TGFB2: variants seen among roughly 807,000 people sequenced by gnomAD.
The protein encoded by TGFB2 is transforming growth factor beta 2, also known as transforming growth factor beta-2 proprotein.
Under a neutral mutation model 42.7 loss-of-function variants are expected in TGFB2, and 13 were observed. The ratio of observed to expected loss-of-function variants is 0.30; its 90% CI spans 0.20 to 0.48. The LOEUF (loss-of-function observed/expected upper bound fraction) is 0.48, where lower values mean the gene tolerates loss of function less well. Among genes scored for constraint, TGFB2 ranks in the 20% least tolerant of loss-of-function variants. The pLI is 0.99. For missense variants in TGFB2, 390 were observed against 517.5 expected, an observed-to-expected ratio of 0.75 and a Z score of 2.39; for synonymous variants, 193 against 193.6, an observed-to-expected ratio of 1.00 and a Z score of 0.03.
chr1:218,415,556 G>A (rs908708305), intron 2 of TGFB2, among the ~76,000 whole-genome samples: 1 of 151,882 alleles, frequency 6.6e-6, no homozygotes, highest in Admixed American at 6.6e-5. Flanking sequence ...TTAGCCAGGC[G>A]TGGTGGCGGG....
At chr1:218,396,157 C>T (rs929973870) in intron 1 of TGFB2, among the ~76,000 whole-genome samples, 1 of 152,126 alleles carries the variant, frequency 6.6e-6, no homozygotes, top group Non-Finnish European at 1.5e-5. Context: ...CCATCATAGT[C>T]TAGGGCAGAA....
At chr1:218,389,199 C>A (rs6680004) in intron 1 of TGFB2, among the ~76,000 whole-genome samples, 7,887 of 152,186 alleles carry the variant, frequency 0.052, 667 homozygotes, top group African/African-American at 0.18. Flanking sequence ...CTATGAAGAC[C>A]TAAAGGATTG....
intron 1 of TGFB2, among the ~76,000 whole-genome samples, chr1:218,351,681 G>T (rs1037581696): frequency 1.3e-5 from 2 of 152,174 alleles, no homozygotes; most frequent in Non-Finnish European, 2.9e-5. Flanking sequence ...TGAGGGGCAG[G>T]TGGGGACCTC....
chr1:218,364,771 C>T (rs964766282), intron 1 of TGFB2, among the ~76,000 whole-genome samples: 6 of 152,112 alleles, frequency 3.9e-5, no homozygotes, highest in Admixed American at 1.3e-4. Flanking sequence ...TGAGAATATA[C>T]GTTGATTTTA....
chr1:218,427,131 A>G (rs781700766), intron 2 of TGFB2, among the ~76,000 whole-genome samples: 26 of 152,202 alleles, frequency 1.7e-4, no homozygotes, highest in Non-Finnish European at 3.2e-4. Flanking sequence ...TATAAACATT[A>G]CAGTTTAACC....
At chr1:218,398,584 A>C (rs891763667) in intron 1 of TGFB2, among the ~76,000 whole-genome samples, 1 of 151,084 alleles carries the variant, frequency 6.6e-6, no homozygotes, top group Non-Finnish European at 1.5e-5. Context: ...TATTTTATTT[A>C]TTTATTTTTT....
chr1:218,392,690 G>A lies in TGFB2; in HGVS notation c.347-12479G>A, dbSNP rs142553443. On this transcript the variant is annotated intron_variant, in intron 1 of 6. Coordinates refer to ENST00000366930, the MANE Select transcript of TGFB2 (RefSeq NM_003238.6). The stretch of plus-strand genomic sequence containing the variant: ...TAGGTGCCAGGCAACCCCTTTGTGT[G>A]CTATCATTTCTAATTTCAATAAAGA... Among the ~76,000 whole-genome samples the A allele has an allele frequency of 3.3e-3, 502 of 152,344 alleles. 8 individuals are homozygous for A. Among genetic ancestry groups the A allele is most frequent in the Non-Finnish European group, 2.5e-3 (169 of 68,038 alleles).
At chr1:218,410,476 C>A (rs1659058499) in intron 2 of TGFB2, among the ~76,000 whole-genome samples, 1 of 152,186 alleles carries the variant, frequency 6.6e-6, no homozygotes, top group African/African-American at 2.4e-5. Flanking sequence ...AAAATAAAAT[C>A]TTTCTTTCCT....
At chr1:218,405,399 C>G (rs771714779) in intron 2 of TGFB2, 67 bp downstream of exon 2, 50 of 1,600,052 alleles carry the variant, frequency 3.1e-5, no homozygotes, top group Admixed American at 1.5e-4. Context: ...CTCTCTCTCT[C>G]TCTGTCACAG....
Position 218,346,502 on chromosome 1 carries a change from T to C in TGFB2, c.-200T>C. 1 of 528,424 alleles carries C rather than the reference T, an allele frequency of 1.9e-6. No individual in the cohort carries two copies. The highest frequency in any genetic ancestry group is 3.3e-6 in the Non-Finnish European group (1 of 307,418). The allele number at this position is 528,424 out of a possible 1,614,324, so 32.7% of individuals were successfully genotyped here. ...TTAATATTTCCACTTTTGGAACTAC[T>C]GGCCTTTTCTTTTTAAAGGAATTCA... On this transcript the variant is annotated 5_prime_UTR_variant, in exon 1 of 7. Coordinates refer to ENST00000366930, the MANE Select transcript of TGFB2 (RefSeq NM_003238.6). This position sits in a 1 kb window ranked among gnomAD's most constrained non-coding sequence, Gnocchi z 4.9.
At chr1:218,363,205 G>T in intron 1 of TGFB2, 2 of 761,386 alleles carry the variant, frequency 2.6e-6, no homozygotes, top group South Asian at 3.6e-5. Flanking sequence ...CAGGTAGCAG[G>T]GACCTTATTT....
Position 218,389,216 on chromosome 1 carries a change from A to G in TGFB2, c.347-15953A>G, listed in dbSNP as rs79731206. 9.8e-3 allele frequency among the ~76,000 whole-genome samples: 1,499 copies of G among 152,344 alleles called. 6 individuals carry two copies. Among genetic ancestry groups the G allele is most frequent in the Middle Eastern group, 0.027 (8 of 294 alleles). ...ATGAAGACCTAAAGGATTGGGATTA[A>G]CATTCATCATTGTTATGTGACTTAG... On this transcript the variant is annotated intron_variant, in intron 1 of 6. Coordinates refer to ENST00000366930, the MANE Select transcript of TGFB2 (RefSeq NM_003238.6).
At chr1:218,348,755 A>G (rs1284824153) in intron 1 of TGFB2, among the ~76,000 whole-genome samples, 2 of 152,226 alleles carry the variant, frequency 1.3e-5, no homozygotes, top group Admixed American at 6.5e-5. Flanking sequence ...TTTCTCTAGC[A>G]TGTGCATCGG....
At position 218,363,540 on chromosome 1, in the gene TGFB2, C is replaced by T; in HGVS notation, c.346+16493C>T. ...GAGATTCTGAAATGCAGCCTTGTACCTGAGCGATCACAAAGGTGCCTAGAA... is the reference window on the plus strand; with the variant it reads ...GAGATTCTGAAATGCAGCCTTGTACTTGAGCGATCACAAAGGTGCCTAGAA... On this transcript the variant is annotated intron_variant, in intron 1 of 6. Coordinates refer to ENST00000366930, the MANE Select transcript of TGFB2 (RefSeq NM_003238.6). The T allele has an allele frequency of 4.2e-6, 4 of 950,322 alleles. No individual in the cohort carries two copies. In the South Asian group the frequency reaches 6.3e-5, roughly 15 times the overall value. The allele number at this position is 950,322 out of a possible 1,614,324, so 58.9% of individuals were successfully genotyped here.
chr1:218,391,415 GA>G (rs1289074215), intron 1 of TGFB2, among the ~76,000 whole-genome samples: 1 of 152,182 alleles, frequency 6.6e-6, no homozygotes. Flanking sequence ...AAGCACCTCA[GA>G]AGGAATAAGT....
intron 1 of TGFB2, among the ~76,000 whole-genome samples, chr1:218,384,438 G>A (rs1030722840): frequency 6.6e-6 from 1 of 152,170 alleles, no homozygotes; most frequent in South Asian, 2.1e-4. Context: ...TTAAAATAAA[G>A]TACTAAAAGT....
At chr1:218,401,835 G>A (rs970753253) in intron 1 of TGFB2, among the ~76,000 whole-genome samples, 5 of 152,206 alleles carry the variant, frequency 3.3e-5, no homozygotes, top group Admixed American at 1.3e-4. Context: ...GCCGCGTCCC[G>A]ACTGGGCATC....
intron 1 of TGFB2, among the ~76,000 whole-genome samples, chr1:218,402,505 AG>A (rs1658757904): frequency 6.6e-6 from 1 of 152,230 alleles, no homozygotes; most frequent in Non-Finnish European, 1.5e-5. Context: ...AGCCATAAAA[AG>A]AAAAGAGTGT....
chr1:218,351,535 A>T (rs113830073), intron 1 of TGFB2, among the ~76,000 whole-genome samples: 105 of 152,248 alleles, frequency 6.9e-4, no homozygotes, highest in African/African-American at 2.4e-3. Flanking sequence ...CTTTTCAAAG[A>T]CTAGAAAAAC....
Sources: gnomAD v4.1 joint callset for allele counts (sites outside exome capture counted in the v4.1 genomes callset) on GRCh38, gnomAD v4.1.1 for gene constraint, Gnocchi (gnomAD v3.1) non-coding constraint, MANE v1.5 for transcripts, NCBI Gene and HGNC (gene_info 2026-07-23, HGNC 2026-07-21) for gene names.